The following TENM3 variants were observed in gnomAD, a reference collection of about 807,000 sequenced individuals.
TENM3 encodes teneurin-3.
In TENM3, 63 loss-of-function variants were observed where a neutral mutation model predicts 255.1. The observed-to-expected ratio is 0.25, with a 90% CI of 0.20 to 0.30. The LOEUF (loss-of-function observed/expected upper bound fraction) is 0.30. Ranked by LOEUF, TENM3 falls within the 10% of genes least tolerant of loss-of-function variation. The pLI is 1.00. For missense variants in TENM3, 2,929 were observed against 3,461.1 expected, an observed-to-expected ratio of 0.85 and a Z score of 3.86; for synonymous variants, 1,306 against 1,322.3, an observed-to-expected ratio of 0.99 and a Z score of 0.27.
chr4:182,272,676 G>T (rs1227118525), intron 1 of TENM3, among the ~76,000 whole-genome samples: 4 of 152,188 alleles, frequency 2.6e-5, no homozygotes, highest in Non-Finnish European at 4.4e-5. Flanking sequence ...TTATTTATTT[G>T]TTGAACGTTT....
At chr4:181,695,249 G>A in the TENM3 span, among the ~76,000 whole-genome samples, 1 of 152,060 alleles carries the variant, frequency 6.6e-6, no homozygotes, top group Non-Finnish European at 1.5e-5. Context: ...AGCTAAAGAT[G>A]GCCTCTCTGT....
At chr4:182,050,051 G>A in the TENM3 span, among the ~76,000 whole-genome samples, 1 of 151,874 alleles carries the variant, frequency 6.6e-6, no homozygotes, top group Admixed American at 6.6e-5. Context: ...GGAGTGCAGT[G>A]GTACAATCTC....
At chr4:182,222,668 G>T (rs1003047009) in intron 1 of TENM3, among the ~76,000 whole-genome samples, 1 of 152,126 alleles carries the variant, frequency 6.6e-6, no homozygotes, top group African/African-American at 2.4e-5. Flanking sequence ...CCATTTCAGG[G>T]CCATATTTTA....
At chr4:182,795,281 A>T (rs1766418098) in intron 26 of TENM3, among the ~76,000 whole-genome samples, 1 of 152,092 alleles carries the variant, frequency 6.6e-6, no homozygotes, top group African/African-American at 2.4e-5. Context: ...AGTACTTTTC[A>T]ATACTTACGG....
chr4:182,465,143 T>G (rs28487283), intron 3 of TENM3, among the ~76,000 whole-genome samples: 1,589 of 152,312 alleles, frequency 0.01, 28 homozygotes, highest in African/African-American at 0.037. Context: ...TTTCTAGTAA[T>G]GTCTTTCTTA....
chr4:181,528,031 G>T, the TENM3 span, among the ~76,000 whole-genome samples: 1 of 151,770 alleles, frequency 6.6e-6, no homozygotes, highest in Non-Finnish European at 1.5e-5. Flanking sequence ...GTTAAAGGAG[G>T]ATAAAATTCT....
At chr4:181,932,516 AGATGCTAGAGAG>A in the TENM3 span, among the ~76,000 whole-genome samples, 1 of 152,232 alleles carries the variant, frequency 6.6e-6, no homozygotes, top group East Asian at 1.9e-4. Flanking sequence ...AGGAAACAAC[AGATGCTAGAGAG>A]GATGTGGAAA....
At chr4:182,345,479 G>A (rs1321152157) in intron 2 of TENM3, among the ~76,000 whole-genome samples, 1 of 152,206 alleles carries the variant, frequency 6.6e-6, no homozygotes, top group East Asian at 1.9e-4. Flanking sequence ...TACTTAAAAG[G>A]TTTGGTTATG....
intron 3 of TENM3, among the ~76,000 whole-genome samples, chr4:182,466,228 A>C (rs1018433220): frequency 8.5e-5 from 13 of 152,166 alleles, no homozygotes; most frequent in African/African-American, 2.4e-4. Context: ...AAACAACAGA[A>C]TTGTAGTCTC....
At chr4:181,716,495 AAC>A in the TENM3 span, among the ~76,000 whole-genome samples, 1 of 152,146 alleles carries the variant, frequency 6.6e-6, no homozygotes, top group Non-Finnish European at 1.5e-5. Flanking sequence ...CTCTGCCTAC[AAC>A]ACTGACTAGC....
At chr4:181,699,127 C>T in the TENM3 span, among the ~76,000 whole-genome samples, 1 of 151,966 alleles carries the variant, frequency 6.6e-6, no homozygotes, top group African/African-American at 2.4e-5. Flanking sequence ...CTATGGGCAA[C>T]AGAGATAAGA....
chr4:181,963,343 T>C, the TENM3 span, among the ~76,000 whole-genome samples: 153 of 152,352 alleles, frequency 1.0e-3, no homozygotes, highest in African/African-American at 3.6e-3. Flanking sequence ...CACTTCTCTT[T>C]CCCTTTTCCC....
the TENM3 span, chr4:181,980,408 T>G: frequency 6.6e-6 from 1 of 152,234 alleles, no homozygotes; most frequent in Non-Finnish European, 1.5e-5. Context: ...TAAAATAAAT[T>G]TCATAGCCAA....
At chr4:182,377,543 A>G (rs1394022840) in intron 3 of TENM3, among the ~76,000 whole-genome samples, 2 of 152,030 alleles carry the variant, frequency 1.3e-5, no homozygotes, top group East Asian at 3.9e-4. Context: ...TGAACTCCTG[A>G]CCTCAGGTGA....
chr4:181,733,303 A>G, the TENM3 span, among the ~76,000 whole-genome samples: 1 of 152,214 alleles, frequency 6.6e-6, no homozygotes, highest in South Asian at 2.1e-4. Context: ...CTTAAAATGT[A>G]GTTATTTTCC....
chr4:181,558,294 C>T, the TENM3 span, among the ~76,000 whole-genome samples: 32 of 152,268 alleles, frequency 2.1e-4, 1 homozygote, highest in Middle Eastern at 3.4e-3. Flanking sequence ...TTTGAACTTA[C>T]AGAGTATGAT....
At chr4:182,463,279 T>A (rs1732233751) in intron 3 of TENM3, among the ~76,000 whole-genome samples, 1 of 152,212 alleles carries the variant, frequency 6.6e-6, no homozygotes, top group Non-Finnish European at 1.5e-5. Context: ...TGTTACTCTG[T>A]TTGATTCTGT....
chr4:182,633,996 C>G (rs1009738078), intron 5 of TENM3, among the ~76,000 whole-genome samples: 5 of 152,094 alleles, frequency 3.3e-5, no homozygotes, highest in African/African-American at 1.2e-4. Flanking sequence ...GATGCACGTC[C>G]TGATTTAGCA....
intron 1 of TENM3, among the ~76,000 whole-genome samples, chr4:182,175,905 C>T (rs917136488): frequency 1.3e-5 from 2 of 151,828 alleles, no homozygotes; most frequent in African/African-American, 4.8e-5. Flanking sequence ...ATTGGAATGA[C>T]ACCCCCGCCC....
Sources: gnomAD v4.1 joint callset for allele counts (sites outside exome capture counted in the v4.1 genomes callset) on GRCh38, gnomAD v4.1.1 for gene constraint, MANE v1.5 for transcripts, NCBI Gene and HGNC (gene_info 2026-07-23, HGNC 2026-07-21) for gene names.